Variants in AHCTF1 observed in about 807,000 individuals in gnomAD.
AHCTF1 encodes the protein protein ELYS.
AHCTF1 carries 24 observed loss-of-function variants against 248.4 expected under a neutral mutation model. That is an observed-to-expected ratio of 0.10 (90% CI 0.07 to 0.14). The LOEUF (loss-of-function observed/expected upper bound fraction) is 0.14. Among genes scored for constraint, AHCTF1 ranks in the 10% least tolerant of loss-of-function variants. The pLI, the probability that AHCTF1 is intolerant of heterozygous loss-of-function variation, is 1.00. For missense variants in AHCTF1, 2,206 were observed against 2,636.2 expected (o/e 0.84, Z 3.57); for synonymous variants, 786 against 929.8 (o/e 0.85, Z 2.81).
chr1:246,928,118 G>A (rs149383055), intron 1 of AHCTF1, among the ~76,000 whole-genome samples: 2,683 of 151,850 alleles, frequency 0.018, 80 homozygotes, highest in African/African-American at 0.061. Flanking sequence ...TGGCTAACAC[G>A]GTGAAACCCC....
chr1:246,880,085 G>A (rs956112131), intron 21 of AHCTF1, among the ~76,000 whole-genome samples: 1 of 151,964 alleles, frequency 6.6e-6, no homozygotes, highest in African/African-American at 2.4e-5. Flanking sequence ...GAAGATCTTA[G>A]GAAGAATACA....
intron 35 of AHCTF1, among the ~76,000 whole-genome samples, chr1:246,841,617 A>C (rs1375349515): frequency 6.6e-6 from 1 of 152,146 alleles, no homozygotes; most frequent in Non-Finnish European, 1.5e-5. Context: ...GCTTTCTGTA[A>C]AATAATTGCA....
rs967953 is a variant in AHCTF1, at chr1:246,894,866, G to A, written c.1715-118C>T. The A allele has an allele frequency of 0.012, 9,620 of 784,742 alleles. 642 individuals are homozygous for A. The African/African-American group carries it at 0.14, about 12-fold the overall frequency. The allele number at this position is 784,742 out of a possible 1,614,324, so 48.6% of individuals were successfully genotyped here. ...TAACCGAGTGAACATCAACACTTCAGGGAGGCAACTTGGGAAAATGGACTT... is the reference window on the plus strand; with the variant it reads ...TAACCGAGTGAACATCAACACTTCAAGGAGGCAACTTGGGAAAATGGACTT... On this transcript the variant is annotated intron_variant, in intron 13 of 35. Coordinates refer to ENST00000648844, the MANE Select transcript of AHCTF1 (RefSeq NM_001323342.2).
In AHCTF1 at chr1:246,860,975, A is replaced by G. The variant is rs746763370; in HGVS notation, c.4056T>C (p.Thr1352=). The change falls in exon 29 of 36, where the codon ACT becomes ACC. Residue 1352 remains threonine (T), a synonymous_variant. Coordinates refer to ENST00000648844, the MANE Select transcript of AHCTF1 (RefSeq NM_001323342.2). The part of the protein sequence containing the change: ...SSSTALTTNV[T]EQTEKDGDKD... ...TATCTCCATCCTTTTCAGTTTGTTC[A>G]GTTACATTAGTAGTTAGTGCAGTGG... 2.9e-5 allele frequency: 47 copies of G among 1,613,884 alleles called. No individual in the cohort carries two copies. The highest frequency in any genetic ancestry group is 3.7e-5 in the Non-Finnish European group (44 of 1,179,804).
intron 25 of AHCTF1, 43 bp downstream of exon 25, chr1:246,867,618 G>A: frequency 6.3e-7 from 1 of 1,598,556 alleles, no homozygotes; most frequent in Non-Finnish European, 8.5e-7. Flanking sequence ...GTCCAGTAAA[G>A]ATTAACAAGC....
intron 24 of AHCTF1, among the ~76,000 whole-genome samples, chr1:246,868,338 C>G (rs567023113): frequency 6.8e-6 from 1 of 146,336 alleles, no homozygotes; most frequent in African/African-American, 2.8e-5. Context: ...CCAGGCTGGT[C>G]TTGAACTCCT....
At position 246,880,216 on chromosome 1, in the gene AHCTF1, GTTAT is replaced by G. The variant is rs926699561; in HGVS notation, c.2661-2918_2661-2915del. 4.6e-5 allele frequency among the ~76,000 whole-genome samples: 7 copies of G among 150,644 alleles called. No homozygotes were observed. In the South Asian group the frequency reaches 8.3e-4, roughly 18 times the overall value. On this transcript the variant is annotated intron_variant, in intron 21 of 35. Transcript: ENST00000648844. Reference sequence around the variant, plus strand: ...AATAGCTTATTATCAAAAACAATATGTTATTTGTTATATATATATATAAAATATA... The same window carrying G: ...AATAGCTTATTATCAAAAACAATATGTTGTTATATATATATATAAAATATA...
intron 1 of AHCTF1, among the ~76,000 whole-genome samples, chr1:246,925,434 A>C (rs545986245): frequency 9.3e-4 from 142 of 152,330 alleles, no homozygotes; most frequent in Non-Finnish European, 1.2e-3. Flanking sequence ...ATATAGAAGT[A>C]CTAGCTCTAA....
chr1:246,906,516 A>T (rs1665404269), intron 5 of AHCTF1, among the ~76,000 whole-genome samples: 1 of 152,174 alleles, frequency 6.6e-6, no homozygotes, highest in Non-Finnish European at 1.5e-5. Context: ...TGGGAAGTGG[A>T]GGTTGCAGTG....
chr1:246,930,990 T>C lies in AHCTF1; in HGVS notation c.-8+588A>G, dbSNP rs1413141409. The C allele has an allele frequency of 8.7e-6, 11 of 1,265,048 alleles. No homozygotes were observed. In the South Asian group the frequency reaches 1.7e-4, roughly 20 times the overall value. The allele number at this position is 1,265,048 out of a possible 1,614,324, so 78.4% of individuals were successfully genotyped here. On this transcript the variant is annotated intron_variant, in intron 1 of 35. Coordinates refer to ENST00000648844, the MANE Select transcript of AHCTF1 (RefSeq NM_001323342.2). ...ACCAGTGGCAAAAGAAACCGTCCTG[T>C]TTCCCAGGTAGGAAAAAGGAAGGCA...
At chr1:246,841,141 A>G (rs1246460936) in intron 35 of AHCTF1, 143 bp from the exon 36 acceptor site, 13 of 680,614 alleles carry the variant, frequency 1.9e-5, no homozygotes, top group Non-Finnish European at 3.0e-5. Context: ...AGGGAACTGA[A>G]GTGAAGCTTT....
At chr1:246,862,865 G>C (rs532970100) in intron 27 of AHCTF1, among the ~76,000 whole-genome samples, 67 of 152,248 alleles carry the variant, frequency 4.4e-4, no homozygotes, top group Non-Finnish European at 7.1e-4. Context: ...TGAAGATTTC[G>C]TATAATGAAT....
chr1:246,848,578 CT>C (rs1274279818), intron 33 of AHCTF1, among the ~76,000 whole-genome samples: 1 of 151,572 alleles, frequency 6.6e-6, no homozygotes, highest in African/African-American at 2.4e-5. Context: ...AAATAGTCAA[CT>C]ACATGGCTGG....
intron 21 of AHCTF1, among the ~76,000 whole-genome samples, chr1:246,880,819 A>T (rs1558243356): frequency 6.6e-6 from 1 of 152,222 alleles, no homozygotes; most frequent in Non-Finnish European, 1.5e-5. Context: ...CAAAGTCTCC[A>T]AATTCTCACT....
intron 26 of AHCTF1, among the ~76,000 whole-genome samples, chr1:246,866,361 T>C (rs1246154121): frequency 2.0e-5 from 3 of 152,098 alleles, no homozygotes; most frequent in Non-Finnish European, 1.5e-5. Context: ...AAAAAGAATG[T>C]CGGTAATAAC....
chr1:246,876,764 C>A (rs759082090), intron 23 of AHCTF1, among the ~76,000 whole-genome samples, 186 bp downstream of exon 23: 1 of 152,108 alleles, frequency 6.6e-6, no homozygotes, highest in South Asian at 2.1e-4. Flanking sequence ...AAATGGCATA[C>A]GTAAAAGAAT....
chr1:246,843,076 TAAG>T (rs10571304), intron 34 of AHCTF1, among the ~76,000 whole-genome samples: 6,225 of 152,268 alleles, frequency 0.041, 414 homozygotes, highest in African/African-American at 0.14. Flanking sequence ...TCTCACTTTC[TAAG>T]AAGTAGACAA....
chr1:246,884,750 T>G (rs1663693908), intron 21 of AHCTF1, among the ~76,000 whole-genome samples: 1 of 152,200 alleles, frequency 6.6e-6, no homozygotes, highest in African/African-American at 2.4e-5. Context: ...AGGTATCACT[T>G]GCTCAAATCT....
chr1:246,909,776 T>C (rs1167127856), intron 4 of AHCTF1, among the ~76,000 whole-genome samples: 2 of 152,192 alleles, frequency 1.3e-5, no homozygotes, highest in Non-Finnish European at 2.9e-5. Flanking sequence ...TTGGAATGTA[T>C]CCCTCGCAGA....
Sources: allele counts gnomAD v4.1 joint callset (sites outside exome capture counted in the v4.1 genomes callset), GRCh38; gene constraint gnomAD v4.1.1; transcripts MANE v1.5; gene names NCBI Gene and HGNC (gene_info 2026-07-23, HGNC 2026-07-21).